The following ZFYVE26 variants were observed in gnomAD, a reference collection of about 807,000 sequenced individuals.
ZFYVE26 encodes zinc finger FYVE domain-containing protein 26.
ZFYVE26 carries 181 observed loss-of-function variants against 276.5 expected under a neutral mutation model. The ratio of observed to expected loss-of-function variants is 0.65; its 90% CI spans 0.58 to 0.74. ZFYVE26 has a LOEUF of 0.74. Ranked by LOEUF, ZFYVE26 falls within the 30% of genes least tolerant of loss-of-function variation. ZFYVE26 has a pLI of 0.00. For synonymous variants in ZFYVE26, 1,129 were observed against 1,203.1 expected, an observed-to-expected ratio of 0.94 and a Z score of 1.27; for missense variants, 2,821 against 3,097.9, an observed-to-expected ratio of 0.91 and a Z score of 2.12.
At chr14:67,756,997 C>T (rs1157983828) in intron 35 of ZFYVE26, among the ~76,000 whole-genome samples, 1 of 152,148 alleles carries the variant, frequency 6.6e-6, no homozygotes, top group East Asian at 1.9e-4. Context: ...TTTAGTTGTT[C>T]AGGTCAAAAA....
At chr14:67,762,882 A>G in intron 32 of ZFYVE26, 63 bp from the exon 33 acceptor site, 7 of 1,600,546 alleles carry the variant, frequency 4.4e-6, no homozygotes, top group Non-Finnish European at 6.0e-6. Context: ...GTAGCCGCTT[A>G]AAGGTTTCCT....
chr14:67,789,455 G>C lies in ZFYVE26; in HGVS notation c.2899C>G (p.Leu967Val), dbSNP rs772552292. The change falls in exon 16 of 42, where the codon CTC (leucine) becomes GTC (valine). Residue 967 changes from leucine to valine, a missense_variant. Transcript: ENST00000347230. ...AATGCAGCCATGGCAGGGGGACTGAGGTCTTCCAGAACCTCTCTCAGGGGA... is the reference window on the plus strand; with the variant it reads ...AATGCAGCCATGGCAGGGGGACTGACGTCTTCCAGAACCTCTCTCAGGGGA... The part of the protein sequence containing the change: ...TAPLREVLED[L>V]SPPAMAAFDL... 3 of 1,614,080 alleles carry C rather than the reference G, an allele frequency of 1.9e-6. No individual in the cohort carries two copies. The highest frequency in any genetic ancestry group is 2.5e-6 in the Non-Finnish European group (3 of 1,180,042).
In ZFYVE26 at chr14:67,783,071, C is replaced by T. The variant is rs1176171303; in HGVS notation, c.4081G>A (p.Glu1361Lys). The T allele has an allele frequency of 1.2e-6, 2 of 1,614,008 alleles. No individual in the cohort carries two copies. The highest frequency in any genetic ancestry group is 1.7e-6 in the Non-Finnish European group (2 of 1,179,882). Residue 1361 changes from glutamate to lysine, a missense_variant, in exon 21 of 42, where the codon GAA becomes AAA. Glu to Lys is a moderately conservative substitution (Grantham distance 56). Coordinates refer to ENST00000347230, the MANE Select transcript of ZFYVE26 (RefSeq NM_015346.4). ...AAGGCCTCAAACAGAGGGAATTGTT[C>T]CAGAAGGCGCTCACACTCCCGGGCT... Reference protein sequence around the residue: ...QVARECERLLEQFPLFEAFLL... With the variant: ...QVARECERLLKQFPLFEAFLL...
Position 67,807,617 on chromosome 14 carries a change from G to A in ZFYVE26, c.667C>T (p.Arg223Trp), listed in dbSNP as rs1301230097. 3.1e-6 allele frequency: 5 copies of A among 1,614,072 alleles called. No individual in the cohort carries two copies. The highest frequency in any genetic ancestry group is 2.2e-5 in the East Asian group (1 of 44,894). Residue 223 changes from arginine to tryptophan, a missense_variant, in exon 5 of 42, where the codon CGG (arginine) becomes TGG (tryptophan). Physicochemically the swap from Arg to Trp is moderately radical, Grantham distance 101. Coordinates refer to ENST00000347230, the MANE Select transcript of ZFYVE26 (RefSeq NM_015346.4). ...GGTTCTGCGGGGCAACGCAGAGTCCGCAGGGCTCCATAGATGGCATCGACT... is the reference window on the plus strand; with the variant it reads ...GGTTCTGCGGGGCAACGCAGAGTCCACAGGGCTCCATAGATGGCATCGACT... Reference protein sequence around the residue: ...GVVDAIYGALRTLRCPAEPLG... With the variant: ...GVVDAIYGALWTLRCPAEPLG...
In ZFYVE26 at chr14:67,789,357, C is replaced by T; in HGVS notation, c.2997G>A (p.Leu999=). The part of the protein sequence containing the change: ...KQLLETAERR[L]NSSLERRGRR... Reference sequence around the variant, plus strand: ...CACCCCGCCTTTCAAGGCTACTATTCAAACGCCGTTCGGCTGTCTCCAAAA... The same window carrying T: ...CACCCCGCCTTTCAAGGCTACTATTTAAACGCCGTTCGGCTGTCTCCAAAA... Residue 999 remains leucine, a synonymous_variant, in exon 16 of 42, where the codon TTG becomes TTA. Transcript: ENST00000347230. The T allele has an allele frequency of 6.2e-7, 1 of 1,614,202 alleles. No individual in the cohort carries two copies.
rs559096813 is a variant in ZFYVE26 at position 67,793,465 on chromosome 14, G to T, written c.2553+143C>A. ...CCACCCTGCTGAAGACTGGGCCTGG[G>T]CACATGGAAACCCCCTCTTGCTTCT... On this transcript the variant is annotated intron_variant, in intron 14 of 41. Coordinates refer to ENST00000347230, the MANE Select transcript of ZFYVE26 (RefSeq NM_015346.4). The T allele has an allele frequency of 3.4e-6, 3 of 872,052 alleles. No homozygotes were observed. In the Admixed American group the frequency reaches 6.1e-5, roughly 18 times the overall value. 54.0% of individuals were successfully genotyped at this position (872,052 alleles called of 1,614,324 possible).
At chr14:67,760,384 T>G (rs2038899792) in intron 35 of ZFYVE26, among the ~76,000 whole-genome samples, 1 of 152,196 alleles carries the variant, frequency 6.6e-6, no homozygotes, top group Admixed American at 6.5e-5. Flanking sequence ...CATAATAACT[T>G]TGTGAACTGC....
intron 21 of ZFYVE26, 147 bp downstream of exon 21, chr14:67,782,633 C>G: frequency 1.5e-6 from 2 of 1,362,002 alleles, no homozygotes; most frequent in Non-Finnish European, 2.1e-6. Context: ...GTTTCCTAAC[C>G]CCTCTGAGAC....
At chr14:67,782,151 C>T (rs2039517265) in intron 21 of ZFYVE26, among the ~76,000 whole-genome samples, 1 of 152,226 alleles carries the variant, frequency 6.6e-6, no homozygotes, top group African/African-American at 2.4e-5. Flanking sequence ...TTCCCTACAT[C>T]ACACCCAACT....
chr14:67,778,336 T>C (rs957200735), intron 23 of ZFYVE26, 88 bp from the exon 24 acceptor site: 5 of 1,557,232 alleles, frequency 3.2e-6, no homozygotes, highest in Non-Finnish European at 4.4e-6. Flanking sequence ...CCCAGGAATG[T>C]TTATAAGTGC....
rs923692744 is a variant in ZFYVE26 at position 67,747,485 on chromosome 14, G to A, written c.*951C>T. On this transcript the variant is annotated 3_prime_UTR_variant, in exon 42 of 42. Transcript: ENST00000347230. Reference sequence around the variant, plus strand: ...TAACCAATTCAAGGAGCGCAAACAGGACTGCAGCTCAAATAGGTAAAATCG... The same window carrying A: ...TAACCAATTCAAGGAGCGCAAACAGAACTGCAGCTCAAATAGGTAAAATCG... 2 of 152,244 alleles carry A rather than the reference G, an allele frequency of 1.3e-5. No homozygotes were observed. The highest frequency in any genetic ancestry group is 4.8e-5 in the African/African-American group (2 of 41,452). The allele number at this position is 152,244 out of a possible 1,614,324, so 9.4% of individuals were successfully genotyped here. A position where few individuals can be genotyped will look rare whatever the true frequency, so the allele number is the denominator to read the frequency against.
At chr14:67,816,309 G>A (rs1042735751) in intron 1 of ZFYVE26, among the ~76,000 whole-genome samples, 1 of 152,142 alleles carries the variant, frequency 6.6e-6, no homozygotes, top group Non-Finnish European at 1.5e-5. Flanking sequence ...CCTACTGAAC[G>A]TTATGCCCAG....
At position 67,790,734 on chromosome 14, in the gene ZFYVE26, C is replaced by T; in HGVS notation, c.2593G>A (p.Gly865Arg). 1 of 1,614,168 alleles carries T rather than the reference C, an allele frequency of 6.2e-7. No homozygotes were observed. The highest frequency in any genetic ancestry group is 8.5e-7 in the Non-Finnish European group (1 of 1,180,036). ...TFNLKSSPSSGELMFMERYQE... is the reference protein window; with the variant it reads ...TFNLKSSPSSRELMFMERYQE... The stretch of plus-strand genomic sequence containing the variant: ...TAGCGCTCCATGAACATCAGTTCCC[C>T]TGAACTGGGTGAGGACTTCAGGTTG... The change falls in exon 15 of 42, where the codon GGG (glycine) becomes AGG (arginine). Residue 865 changes from glycine (G) to arginine (R), a missense_variant. By Grantham distance (125) the Gly-to-Arg change is moderately radical (BLOSUM62 -2). Coordinates refer to ENST00000347230, the MANE Select transcript of ZFYVE26 (RefSeq NM_015346.4).
chr14:67,803,475 G>A (rs915029882), intron 9 of ZFYVE26, among the ~76,000 whole-genome samples: 2 of 152,062 alleles, frequency 1.3e-5, no homozygotes, highest in Non-Finnish European at 2.9e-5. Flanking sequence ...CCGTGTAGCT[G>A]GGATTACAGG....
chr14:67,777,385 C>T (rs2039372315), intron 25 of ZFYVE26, among the ~76,000 whole-genome samples, 174 bp downstream of exon 25: 1 of 152,204 alleles, frequency 6.6e-6, no homozygotes, highest in African/African-American at 2.4e-5. Flanking sequence ...GTAAAGATTT[C>T]ATATAGCACA....
chr14:67,782,688 T>C, intron 21 of ZFYVE26, 92 bp downstream of exon 21: 1 of 1,578,964 alleles, frequency 6.3e-7, no homozygotes, highest in Non-Finnish European at 8.6e-7. Flanking sequence ...GGCTTCTCTC[T>C]AGAGTTACCG....
Position 67,762,649 on chromosome 14 carries a change from C to G in ZFYVE26, c.6159+23G>C, listed in dbSNP as rs1375745343. 4.3e-6 allele frequency: 7 copies of G among 1,611,246 alleles called. No homozygotes were observed. In the Admixed American group the frequency reaches 1.2e-4, roughly 27 times the overall value. ...CTTGCTACAGTGGGGTGGAAGTAAG[C>G]TTTGTCTTTGTCTTTGTCTCACCTC... On this transcript the variant is annotated intron_variant, in intron 33 of 41. Transcript: ENST00000347230.
rs1268846712 is a variant in ZFYVE26, at chr14:67,761,359, GT to G, written c.6588+6del. ...CACTGCCTTTTTGAGCTGTGTCCAT[GT>G]CCCACCTTGTTGAGAAGGTGCAGAA... On this transcript the variant is annotated splice_donor_region_variant and intron_variant, in intron 35 of 41. Coordinates refer to ENST00000347230, the MANE Select transcript of ZFYVE26 (RefSeq NM_015346.4). 3.1e-6 allele frequency: 5 copies of G among 1,610,184 alleles called. No homozygotes were observed. The highest frequency in any genetic ancestry group is 4.2e-6 in the Non-Finnish European group (5 of 1,177,950).
At chr14:67,759,168 C>T (rs796403975) in intron 35 of ZFYVE26, among the ~76,000 whole-genome samples, 1 of 149,212 alleles carries the variant, frequency 6.7e-6, no homozygotes, top group South Asian at 2.1e-4. Flanking sequence ...GGGTGTGAAC[C>T]CAGGAGGCGG....
Sources: allele counts gnomAD v4.1 joint callset (sites outside exome capture counted in the v4.1 genomes callset), GRCh38; gene constraint gnomAD v4.1.1; transcripts MANE v1.5; gene names NCBI Gene and HGNC (gene_info 2026-07-23, HGNC 2026-07-21).